The following TESMIN variants were observed in gnomAD, a reference collection of about 807,000 sequenced individuals.
TESMIN encodes the protein CXC domain containing 2.
Under a neutral mutation model 47.4 loss-of-function variants are expected in TESMIN, and 34 were observed. That is an observed-to-expected ratio of 0.72 (90% CI 0.55 to 0.96). The LOEUF (loss-of-function observed/expected upper bound fraction) is 0.96. Among genes scored for constraint, TESMIN ranks in the 40% least tolerant of loss-of-function variants. The pLI is 0.00. For synonymous variants in TESMIN, 278 were observed against 258.9 expected, an observed-to-expected ratio of 1.07 and a Z score of -0.71; for missense variants, 610 against 637.2, an observed-to-expected ratio of 0.96 and a Z score of 0.46.
rs775791840 is a variant in TESMIN at position 68,715,836 on chromosome 11, C to T, written c.1020+1G>A. 5 of 1,572,942 alleles carry T rather than the reference C, an allele frequency of 3.2e-6. No homozygotes were observed. The highest frequency in any genetic ancestry group is 3.3e-5 in the Admixed American group (2 of 59,858). ...GCATACATTTAATGGACATTTATTA[C>T]CTTAATGGCTTTAAACCGTTCAATA... On this transcript the variant is annotated splice_donor_variant, in intron 7 of 9. Transcript: ENST00000255087. LOFTEE classifies it high-confidence loss of function.
chr11:68,745,318 A>G (rs886273680), intron 3 of TESMIN, among the ~76,000 whole-genome samples: 10 of 151,786 alleles, frequency 6.6e-5, no homozygotes, highest in Admixed American at 5.3e-4. Context: ...AAAAAAAAAA[A>G]AAGAAAAACC....
chr11:68,735,226 G>A (rs534232425), intron 6 of TESMIN, among the ~76,000 whole-genome samples: 2 of 152,296 alleles, frequency 1.3e-5, no homozygotes, highest in Admixed American at 6.5e-5. Context: ...GTCAGACCTG[G>A]GCCTGTTCAG....
At chr11:68,744,643 T>C (rs1946496095) in intron 4 of TESMIN, among the ~76,000 whole-genome samples, 1 of 152,182 alleles carries the variant, frequency 6.6e-6, no homozygotes, top group South Asian at 2.1e-4. Context: ...ATCAGGTCAG[T>C]CTGGGAAAGG....
chr11:68,728,008 C>T lies in TESMIN; in HGVS notation c.917+10692G>A, dbSNP rs115016969. Among the ~76,000 whole-genome samples the T allele has an allele frequency of 8.1e-3, 1,229 of 152,278 alleles. 14 individuals carry two copies. Among genetic ancestry groups the T allele is most frequent in the African/African-American group, 0.028 (1,167 of 41,550 alleles). The stretch of plus-strand genomic sequence containing the variant: ...GTGTTCTGACTTCTCCACCAACTGG[C>T]GGTTCCCTGTCTCTCTCCCTGTCCT... On this transcript the variant is annotated intron_variant, in intron 6 of 9. Coordinates refer to ENST00000255087, the MANE Select transcript of TESMIN (RefSeq NM_004923.3).
chr11:68,712,925 G>C (rs957732792), intron 8 of TESMIN, among the ~76,000 whole-genome samples: 1 of 152,050 alleles, frequency 6.6e-6, no homozygotes, highest in African/African-American at 2.4e-5. Flanking sequence ...AGGAAGAGGC[G>C]CGGCTGCCCT....
chr11:68,711,173 G>T, intron 8 of TESMIN, 124 bp from the exon 9 acceptor site: 1 of 823,222 alleles, frequency 1.2e-6, no homozygotes, highest in Non-Finnish European at 1.9e-6. Flanking sequence ...GTGTGTGTGT[G>T]TCTGTGTGTG....
At chr11:68,729,622 G>T (rs779018098) in intron 6 of TESMIN, among the ~76,000 whole-genome samples, 9 of 152,088 alleles carry the variant, frequency 5.9e-5, no homozygotes, top group Admixed American at 1.3e-4. Context: ...AATAGCAAGA[G>T]AATTAGAATT....
chr11:68,705,746 G>A (rs1401469178), downstream of TESMIN, among the ~76,000 whole-genome samples: 1 of 152,174 alleles, frequency 6.6e-6, no homozygotes, highest in African/African-American at 2.4e-5. Context: ...GTTAAGGCTG[G>A]GCGCGGTGGC....
At chr11:68,748,839 TTTTG>T (rs1435321321) in intron 2 of TESMIN, among the ~76,000 whole-genome samples, 2 of 152,090 alleles carry the variant, frequency 1.3e-5, no homozygotes, top group South Asian at 2.1e-4. Flanking sequence ...CTTGTGTGTG[TTTTG>T]TTTGTTTTTT....
intron 3 of TESMIN, among the ~76,000 whole-genome samples, chr11:68,746,402 C>T (rs954019335): frequency 1.3e-5 from 2 of 152,168 alleles, no homozygotes; most frequent in Non-Finnish European, 2.9e-5. Context: ...ATAGAACCAC[C>T]GATGGAGAGG....
In TESMIN at chr11:68,715,907, C is replaced by A; in HGVS notation, c.950G>T (p.Cys317Phe). The change falls in exon 7 of 10, where the codon TGC (cysteine) becomes TTC (phenylalanine). Residue 317 changes from cysteine (C) to phenylalanine (F), a missense_variant. By Grantham distance (205) the Cys-to-Phe change is radical. Coordinates refer to ENST00000255087, the MANE Select transcript of TESMIN (RefSeq NM_004923.3). ...ACAATTATTACAATTGCAGTTGTTG[C>A]AAAAGTCCCCACTGGCAAAGCAGTC... ...YCDCFASGDF[C>F]NNCNCNNCCN... is the part of the protein sequence containing the mutation. The A allele has an allele frequency of 1.2e-6, 2 of 1,613,374 alleles. No homozygotes were observed. Among genetic ancestry groups the A allele is most frequent in the Non-Finnish European group, 1.7e-6 (2 of 1,179,424 alleles).
At chr11:68,706,892 C>G (rs1046843470), downstream of TESMIN, among the ~76,000 whole-genome samples, 3 of 152,210 alleles carry the variant, frequency 2.0e-5, no homozygotes, top group Non-Finnish European at 4.4e-5. Flanking sequence ...GCAGCCCCCC[C>G]AGAGGCAGCT....
intron 3 of TESMIN, 87 bp downstream of exon 3, chr11:68,747,121 C>A (rs530488637): frequency 6.2e-6 from 9 of 1,443,890 alleles, no homozygotes; most frequent in African/African-American, 2.8e-5. Flanking sequence ...AAATGAAAAA[C>A]GAGTGAAATG....
intron 6 of TESMIN, among the ~76,000 whole-genome samples, chr11:68,724,533 G>A (rs925436789): frequency 1.3e-5 from 2 of 152,194 alleles, no homozygotes; most frequent in Non-Finnish European, 2.9e-5. Context: ...TAGTTGGCCC[G>A]ACCACATGAC....
intron 6 of TESMIN, chr11:68,738,023 C>T (rs902022839): frequency 2.8e-5 from 28 of 985,394 alleles, no homozygotes; most frequent in Admixed American, 1.2e-4. Flanking sequence ...CAGGGCTCAA[C>T]GAATGGAGAG....
chr11:68,714,597 C>T (rs901011546), intron 7 of TESMIN, among the ~76,000 whole-genome samples: 7 of 152,232 alleles, frequency 4.6e-5, no homozygotes, highest in Non-Finnish European at 7.3e-5. Context: ...GAGGTCCGTC[C>T]GCACTGCTGC....
At chr11:68,744,938 C>T (rs1946499635) in intron 4 of TESMIN, 53 bp downstream of exon 4, 13 of 1,435,748 alleles carry the variant, frequency 9.1e-6, no homozygotes, top group Non-Finnish European at 1.1e-5. Flanking sequence ...CAAACATATT[C>T]ATTTACCAAC....
chr11:68,710,942 T>G lies in TESMIN; in HGVS notation c.1266A>C (p.Gly422=), dbSNP rs1434495777. Residue 422 remains glycine, a synonymous_variant, in exon 9 of 10, where the codon GGA becomes GGC. Coordinates refer to ENST00000255087, the MANE Select transcript of TESMIN (RefSeq NM_004923.3). ...GCAGGTAATGGCTGCCTTCCAAACCTCCAGTCTGCATGTAGTTTGGCATGC... is the reference window on the plus strand; with the variant it reads ...GCAGGTAATGGCTGCCTTCCAAACCGCCAGTCTGCATGTAGTTTGGCATGC... ...LMSMPNYMQT[G]GLEGSHYLPP... The G allele has an allele frequency of 6.2e-7, 1 of 1,614,116 alleles. No homozygotes were observed. Among genetic ancestry groups the G allele is most frequent in the Non-Finnish European group, 8.5e-7 (1 of 1,179,998 alleles).
chr11:68,730,375 G>A (rs1353161779), intron 6 of TESMIN, among the ~76,000 whole-genome samples: 1 of 152,076 alleles, frequency 6.6e-6, no homozygotes, highest in East Asian at 1.9e-4. Context: ...TATATTTTAC[G>A]TTAAATTTTT....
Sources: allele counts gnomAD v4.1 joint callset (sites outside exome capture counted in the v4.1 genomes callset), GRCh38; gene constraint gnomAD v4.1.1; transcripts MANE v1.5; gene names NCBI Gene and HGNC (gene_info 2026-07-23, HGNC 2026-07-21).